The following FIBCD1 variants were observed in gnomAD, a reference collection of about 807,000 sequenced individuals.
The protein encoded by FIBCD1 is fibrinogen C domain containing 1.
In FIBCD1, 47 loss-of-function variants were observed where a neutral mutation model predicts 45.1. That is an observed-to-expected ratio of 1.04 (90% CI 0.82 to 1.33). FIBCD1 has a LOEUF of 1.33. FIBCD1 is among the 40% of genes most tolerant of loss of function. The pLI is 0.00. For missense variants in FIBCD1, 653 were observed against 682.2 expected (o/e 0.96, Z 0.48); for synonymous variants, 313 against 308.1 (o/e 1.02, Z -0.17).
At chr9:130,936,234 G>A (rs1207918270) in intron 1 of FIBCD1, 1 of 152,394 alleles carries the variant, frequency 6.6e-6, no homozygotes, top group African/African-American at 2.4e-5. Context: ...GCATGTCAGT[G>A]GGTGAGACAA....
chr9:130,921,631 A>C (rs953783600), intron 4 of FIBCD1, among the ~76,000 whole-genome samples: 1 of 152,126 alleles, frequency 6.6e-6, no homozygotes. Context: ...GATTGGCTTC[A>C]TGTCCACCAG....
In FIBCD1 at chr9:130,903,846, A is replaced by G; in HGVS notation, c.*218T>C. 1.5e-6 allele frequency: 1 copy of G among 651,434 alleles called. No individual in the cohort carries two copies. The highest frequency in any genetic ancestry group is 2.8e-6 in the Non-Finnish European group (1 of 358,324). The allele number at this position is 651,434 out of a possible 1,614,324, so 40.4% of individuals were successfully genotyped here. ...GCCAGCCCCCATCAGCAGAGGCAAG[A>G]GATCAGTGAGCTGCCAAATGGAGGG... is the stretch of plus-strand genomic sequence containing the variant. On this transcript the variant is annotated 3_prime_UTR_variant, in exon 7 of 7. Coordinates refer to ENST00000372338, the MANE Select transcript of FIBCD1 (RefSeq NM_032843.5).
intron 3 of FIBCD1, 37 bp from the exon 4 acceptor site, chr9:130,923,917 C>T: frequency 1.9e-6 from 3 of 1,610,848 alleles, no homozygotes; most frequent in Non-Finnish European, 2.5e-6. Context: ...GCTGCGGCCC[C>T]AGCACGTTCC....
chr9:130,914,611 C>G (rs1382193010), intron 4 of FIBCD1, among the ~76,000 whole-genome samples: 1 of 152,238 alleles, frequency 6.6e-6, no homozygotes, highest in African/African-American at 2.4e-5. Context: ...TACAGGTGCC[C>G]AGCTGTGCCT....
At chr9:130,924,761 C>T (rs990891152) in intron 2 of FIBCD1, among the ~76,000 whole-genome samples, 12 of 152,162 alleles carry the variant, frequency 7.9e-5, no homozygotes, top group East Asian at 5.8e-4. Flanking sequence ...GAGAGTGCCC[C>T]GTGTTGGGCA....
intron 5 of FIBCD1, among the ~76,000 whole-genome samples, chr9:130,911,291 C>T (rs1476686065): frequency 6.7e-6 from 1 of 149,342 alleles, no homozygotes; most frequent in African/African-American, 2.5e-5. Context: ...CTATAACACT[C>T]ACCACGAGGG....
intron 5 of FIBCD1, among the ~76,000 whole-genome samples, chr9:130,908,855 TGAG>T (rs963352088): frequency 6.6e-6 from 1 of 152,008 alleles, no homozygotes; most frequent in African/African-American, 2.4e-5. Context: ...TGGGCCCCGG[TGAG>T]GAGGGGGCAT....
chr9:130,909,655 T>C (rs895472586), intron 5 of FIBCD1, among the ~76,000 whole-genome samples: 4 of 152,156 alleles, frequency 2.6e-5, no homozygotes, highest in East Asian at 1.9e-4. Flanking sequence ...TATAGGTAGA[T>C]AGGACCTCAA....
chr9:130,925,680 C>T (rs770648122), intron 2 of FIBCD1, among the ~76,000 whole-genome samples: 3 of 152,182 alleles, frequency 2.0e-5, no homozygotes, highest in South Asian at 4.1e-4. Flanking sequence ...TGTCCCCCAG[C>T]GCCTCTGCCT....
chr9:130,921,778 A>G (rs1304685686), intron 4 of FIBCD1, among the ~76,000 whole-genome samples: 1 of 152,138 alleles, frequency 6.6e-6, no homozygotes, highest in Non-Finnish European at 1.5e-5. Flanking sequence ...CAAATGCCAT[A>G]ACTCAGACGT....
rs770116657 is a variant in FIBCD1, at chr9:130,924,267, G to C, written c.682C>G (p.Arg228Gly). ...NKADLQRAPA[R>G]GTRPRGCATG... ...GCACAGCCCCGGGGCCGGGTTCCCC[G>C]GGCAGGCGCTCTCTGAAGGTCGGCC... is the stretch of plus-strand genomic sequence containing the variant. Residue 228 changes from arginine to glycine, a missense_variant, in exon 3 of 7, where the codon CGG (arginine) becomes GGG (glycine). Arg to Gly is a moderately radical substitution (Grantham distance 125). Coordinates refer to ENST00000372338, the MANE Select transcript of FIBCD1 (RefSeq NM_032843.5). The C allele has an allele frequency of 2.5e-6, 4 of 1,600,180 alleles. No homozygotes were observed. Among genetic ancestry groups the C allele is most frequent in the South Asian group, 1.1e-5 (1 of 88,544 alleles).
At position 130,929,758 on chromosome 9, in the gene FIBCD1, C is replaced by T; in HGVS notation, c.361G>A (p.Glu121Lys). ...ACCAGCCGTGGCTGGGCCTGGTGCT[C>T]TGTCAGCGCCTGCAGCACCGAGGCC... Reference protein sequence around the residue: ...AQASVLQALTEHQAQPRLVGD... With the variant: ...AQASVLQALTKHQAQPRLVGD... The change falls in exon 2 of 7, where the codon GAG (glutamate) becomes AAG (lysine). Residue 121 changes from glutamate to lysine, a missense_variant. Transcript: ENST00000372338. The T allele has an allele frequency of 6.4e-7, 1 of 1,561,164 alleles. No homozygotes were observed. The highest frequency in any genetic ancestry group is 8.7e-7 in the Non-Finnish European group (1 of 1,152,900).
At position 130,919,076 on chromosome 9, in the gene FIBCD1, G is replaced by A. The variant is rs547921715; in HGVS notation, c.849+4668C>T. On this transcript the variant is annotated intron_variant, in intron 4 of 6. Coordinates refer to ENST00000372338, the MANE Select transcript of FIBCD1 (RefSeq NM_032843.5). ...CCAGGCTTGGCAGTCGGCGCCTGCC[G>A]GCTCTTGGCACAGCACTGCCAAGCT... Among the ~76,000 whole-genome samples the A allele has an allele frequency of 3.6e-3, 543 of 152,260 alleles. 3 individuals are homozygous for A. Among genetic ancestry groups the A allele is most frequent in the Middle Eastern group, 6.8e-3 (2 of 294 alleles).
At chr9:130,940,187 G>A (rs1024147698), upstream of FIBCD1, among the ~76,000 whole-genome samples, 2 of 152,240 alleles carry the variant, frequency 1.3e-5, no homozygotes, top group African/African-American at 2.4e-5. Flanking sequence ...CTGGTTGGGG[G>A]TGGGGGCCGC....
rs1044163899 is a variant in FIBCD1 at position 130,903,946 on chromosome 9, C to A, written c.*118G>T. 1 of 1,388,434 alleles carries A rather than the reference C, an allele frequency of 7.2e-7. No individual in the cohort carries two copies. 86.0% of individuals were successfully genotyped at this position (1,388,434 alleles called of 1,614,324 possible). A position where few individuals can be genotyped will look rare whatever the true frequency, so the allele number is the denominator to read the frequency against. ...TCGTGTCAGGGATGGCCCGGCCCCT[C>A]CCTACTGGAGAGTGGGTCCGCCAGG... On this transcript the variant is annotated 3_prime_UTR_variant, in exon 7 of 7. Coordinates refer to ENST00000372338, the MANE Select transcript of FIBCD1 (RefSeq NM_032843.5).
rs1832365918 is a variant in FIBCD1, at chr9:130,926,593, G to GC, written c.553-2198_553-2197insG. ...CCAGCACTTTGGGAGGCCAAGTTGG[G>GC]TGGATCACCTAAGGTCAGGAGTTTG... On this transcript the variant is annotated intron_variant, in intron 2 of 6. Coordinates refer to ENST00000372338, the MANE Select transcript of FIBCD1 (RefSeq NM_032843.5). This position sits in a 1 kb window ranked among gnomAD's most constrained non-coding sequence, Gnocchi z 4.1. Among the ~76,000 whole-genome samples, 2 of 152,234 alleles carry GC rather than the reference G, an allele frequency of 1.3e-5. No homozygotes were observed. Among genetic ancestry groups the GC allele is most frequent in the Non-Finnish European group, 2.9e-5 (2 of 68,048 alleles).
chr9:130,924,026 C>A (rs1832311292), intron 3 of FIBCD1, 146 bp from the exon 4 acceptor site: 1 of 1,361,352 alleles, frequency 7.3e-7, no homozygotes, highest in East Asian at 2.5e-5. Context: ...CTTGGCTCTG[C>A]CACTCCCTGC....
intron 4 of FIBCD1, among the ~76,000 whole-genome samples, chr9:130,918,063 A>G (rs1168136018): frequency 1.3e-5 from 2 of 152,196 alleles, no homozygotes; most frequent in African/African-American, 4.8e-5. Flanking sequence ...GACGACGCAC[A>G]AGCCAGCAGC....
intron 2 of FIBCD1, among the ~76,000 whole-genome samples, chr9:130,927,912 C>T (rs1341744405): frequency 6.6e-6 from 1 of 152,200 alleles, no homozygotes; most frequent in African/African-American, 2.4e-5. Flanking sequence ...CTGCCCGCCT[C>T]GGCTTCCCAA....
Sources: gnomAD v4.1 joint callset for allele counts (sites outside exome capture counted in the v4.1 genomes callset) on GRCh38, gnomAD v4.1.1 for gene constraint, Gnocchi (gnomAD v3.1) non-coding constraint, MANE v1.5 for transcripts, NCBI Gene and HGNC (gene_info 2026-07-23, HGNC 2026-07-21) for gene names.